Variants in CDH8 observed in about 807,000 individuals in gnomAD.
CDH8 encodes cadherin-8.
CDH8 carries 17 observed loss-of-function variants against 68.1 expected under a neutral mutation model. That is an observed-to-expected ratio of 0.25 (90% confidence interval 0.17 to 0.37). CDH8 has a LOEUF of 0.37. CDH8 is among the 10% of genes least tolerant of loss of function. CDH8 has a pLI of 1.00. For missense variants in CDH8, 763 were observed against 999.3 expected, an observed-to-expected ratio of 0.76 and a Z score of 3.19; for synonymous variants, 372 against 365.1, an observed-to-expected ratio of 1.02 and a Z score of -0.21.
At chr16:61,698,832 T>G (rs958652767) in intron 10 of CDH8, among the ~76,000 whole-genome samples, 3 of 152,190 alleles carry the variant, frequency 2.0e-5, no homozygotes, top group Non-Finnish European at 1.5e-5. Context: ...TAAGGAGGCA[T>G]ACGTCACCCA....
At chr16:61,996,521 T>G (rs1965807005) in intron 2 of CDH8, among the ~76,000 whole-genome samples, 1 of 152,174 alleles carries the variant, frequency 6.6e-6, no homozygotes, top group Non-Finnish European at 1.5e-5. Flanking sequence ...CGTATAATAT[T>G]GACATTCCAT....
At chr16:61,905,205 G>C (rs183424554) in intron 2 of CDH8, among the ~76,000 whole-genome samples, 2 of 152,132 alleles carry the variant, frequency 1.3e-5, no homozygotes, top group Non-Finnish European at 2.9e-5. Context: ...ATGCAATCCC[G>C]CCTGGGCAGG....
chr16:61,863,871 CT>C (rs1963201435), intron 3 of CDH8, among the ~76,000 whole-genome samples: 1 of 152,152 alleles, frequency 6.6e-6, no homozygotes, highest in Non-Finnish European at 1.5e-5. Flanking sequence ...CTGAAAATGT[CT>C]TACTTAAACA....
chr16:61,829,669 C>G (rs1435785069), intron 4 of CDH8, among the ~76,000 whole-genome samples: 1 of 151,814 alleles, frequency 6.6e-6, no homozygotes, highest in East Asian at 1.9e-4. Flanking sequence ...CTCCTCTTTC[C>G]TTCCACAACA....
At position 61,961,824 on chromosome 16, in the gene CDH8, G is replaced by A. The variant is rs117061591; in HGVS notation, c.252+59328C>T. ...ATATTTTTAAATTTATTAAAAAGGAGAGCAATACAAGTACAGTTGACCCTT... is the reference window on the plus strand; with the variant it reads ...ATATTTTTAAATTTATTAAAAAGGAAAGCAATACAAGTACAGTTGACCCTT... On this transcript the variant is annotated intron_variant, in intron 2 of 11. Coordinates refer to ENST00000577390, the MANE Select transcript of CDH8 (RefSeq NM_001796.5). Among the ~76,000 whole-genome samples, 833 of 152,246 alleles carry A rather than the reference G, an allele frequency of 5.5e-3. 3 individuals are homozygous for A. Among genetic ancestry groups the A allele is most frequent in the Non-Finnish European group, 6.5e-3 (445 of 68,028 alleles).
intron 10 of CDH8, 39 bp downstream of exon 10, chr16:61,713,802 T>C: frequency 9.2e-7 from 1 of 1,086,536 alleles, no homozygotes; most frequent in South Asian, 1.3e-5. Flanking sequence ...TATTTTCCAA[T>C]TTATATTGTA....
chr16:61,969,012 G>C (rs1467326661), intron 2 of CDH8, among the ~76,000 whole-genome samples: 1 of 152,206 alleles, frequency 6.6e-6, no homozygotes, highest in African/African-American at 2.4e-5. Context: ...CAAGATTCTT[G>C]AGATGCACAG....
intron 8 of CDH8, among the ~76,000 whole-genome samples, chr16:61,740,052 C>A (rs902953442): frequency 6.6e-5 from 10 of 151,156 alleles, no homozygotes; most frequent in African/African-American, 2.2e-4. Context: ...GGACTACAGG[C>A]GCATGCCACC....
At chr16:61,672,658 A>C (rs1963821564) in intron 10 of CDH8, among the ~76,000 whole-genome samples, 1 of 152,100 alleles carries the variant, frequency 6.6e-6, no homozygotes, top group South Asian at 2.1e-4. Context: ...ACAATCTTTT[A>C]AGAATGTTTG....
chr16:61,887,583 C>G (rs1163954127), intron 3 of CDH8, among the ~76,000 whole-genome samples: 1 of 152,076 alleles, frequency 6.6e-6, no homozygotes, highest in Non-Finnish European at 1.5e-5. Context: ...CGGATTTCCT[C>G]TTCATGTAAG....
chr16:61,666,082 G>A (rs969885428), intron 10 of CDH8, among the ~76,000 whole-genome samples: 3 of 151,546 alleles, frequency 2.0e-5, no homozygotes, highest in Admixed American at 6.6e-5. Flanking sequence ...GATGTAAATC[G>A]TCCCTTTTTC....
chr16:61,714,309 C>T, intron 9 of CDH8: 1 of 253,426 alleles, frequency 3.9e-6, no homozygotes, highest in Non-Finnish European at 7.6e-6. Context: ...GGAATTGTTA[C>T]AGTGATTGTA....
intron 10 of CDH8, among the ~76,000 whole-genome samples, chr16:61,694,838 G>C (rs1044286812): frequency 1.3e-5 from 2 of 152,146 alleles, no homozygotes; most frequent in African/African-American, 4.8e-5. Context: ...CTGGAGTGCA[G>C]AGGTGTGATC....
intron 8 of CDH8, among the ~76,000 whole-genome samples, chr16:61,789,116 T>A (rs1961317053): frequency 6.6e-6 from 1 of 152,094 alleles, no homozygotes; most frequent in Admixed American, 6.6e-5. Flanking sequence ...AATGGCTGAA[T>A]AATGGATATA....
Position 62,022,987 on chromosome 16 carries a change from G to A in CDH8, c.-199-1385C>T, listed in dbSNP as rs1597132267. On this transcript the variant is annotated intron_variant, in intron 1 of 11. Transcript: ENST00000577390. Reference sequence around the variant, plus strand: ...AGTTGCTTTGGAAATGGAAGACAAAGAAAACAGCTTTCAATGGGGAGCCAA... The same window carrying A: ...AGTTGCTTTGGAAATGGAAGACAAAAAAAACAGCTTTCAATGGGGAGCCAA... Among the ~76,000 whole-genome samples the A allele has an allele frequency of 6.6e-5, 10 of 152,288 alleles. No individual in the cohort carries two copies. In the South Asian group the frequency reaches 2.1e-3, roughly 32 times the overall value.
At chr16:61,917,989 C>A (rs1964274745) in intron 2 of CDH8, among the ~76,000 whole-genome samples, 1 of 134,718 alleles carries the variant, frequency 7.4e-6, no homozygotes, top group South Asian at 2.4e-4. Context: ...TTTTTTTTTA[C>A]CGTACTGACA....
At chr16:61,742,328 A>G (rs1959896438) in intron 8 of CDH8, among the ~76,000 whole-genome samples, 1 of 152,068 alleles carries the variant, frequency 6.6e-6, no homozygotes, top group Admixed American at 6.5e-5. Flanking sequence ...TCCGATATTT[A>G]TGCTTTTATT....
intron 2 of CDH8, among the ~76,000 whole-genome samples, chr16:61,997,134 A>G (rs1207170479): frequency 2.6e-5 from 4 of 152,062 alleles, no homozygotes; most frequent in Non-Finnish European, 2.9e-5. Flanking sequence ...TAAAGTCATA[A>G]TTTTAATGTT....
At chr16:61,906,848 C>T (rs964089587) in intron 2 of CDH8, among the ~76,000 whole-genome samples, 1 of 152,148 alleles carries the variant, frequency 6.6e-6, no homozygotes, top group African/African-American at 2.4e-5. Context: ...CTCGCATTTC[C>T]TCACATATGT....
Sources: gnomAD v4.1 joint callset for allele counts (sites outside exome capture counted in the v4.1 genomes callset) on GRCh38, gnomAD v4.1.1 for gene constraint, MANE v1.5 for transcripts, NCBI Gene and HGNC (gene_info 2026-07-23, HGNC 2026-07-21) for gene names.